COL14A1: variants seen among roughly 807,000 people sequenced by gnomAD.
COL14A1 encodes collagen alpha-1(XIV) chain.
In COL14A1, 136 loss-of-function variants were observed where a neutral mutation model predicts 230.3. The ratio of observed to expected loss-of-function variants is 0.59; its 90% CI spans 0.51 to 0.68. The LOEUF (loss-of-function observed/expected upper bound fraction) is 0.68, where lower values mean the gene tolerates loss of function less well. Ranked by LOEUF, COL14A1 falls within the 30% of genes least tolerant of loss-of-function variation. The probability of loss-of-function intolerance (pLI) is 0.00; values close to 1 mark genes in which losing one functional copy is unlikely to be tolerated. For synonymous variants in COL14A1, 792 were observed against 784.1 expected (o/e 1.01, Z -0.17); for missense variants, 1,976 against 2,215.8 (o/e 0.89, Z 2.17).
Position 120,158,193 on chromosome 8 carries a change from A to G in COL14A1, c.152A>G (p.Lys51Arg), listed in dbSNP as rs1279683780. The G allele has an allele frequency of 4.3e-6, 7 of 1,610,760 alleles. No homozygotes were observed. In the East Asian group the frequency reaches 1.1e-4, roughly 26 times the overall value. Residue 51 changes from lysine (K) to arginine (R), a missense_variant, in exon 3 of 48, where the codon AAG (lysine) becomes AGG (arginine). Coordinates refer to ENST00000297848, the MANE Select transcript of COL14A1 (RefSeq NM_021110.4). ...CATGACAGTATACAGATTTCATGGA[A>G]GGCTCCAAGAGGGAAATTTGGTGGT... ...ISHDSIQISW[K>R]APRGKFGGYK...
At chr8:120,197,047 G>A in intron 6 of COL14A1, 101 bp downstream of exon 6, 1 of 1,114,802 alleles carries the variant, frequency 9.0e-7, no homozygotes, top group Non-Finnish European at 1.3e-6. Flanking sequence ...TGACTTTCAG[G>A]ATTGCAGGAT....
At chr8:120,354,001 A>T (rs374445703) in intron 45 of COL14A1, among the ~76,000 whole-genome samples, 1 of 131,202 alleles carries the variant, frequency 7.6e-6, no homozygotes, top group African/African-American at 3.0e-5. Flanking sequence ...CAAATGTCCA[A>T]CAATGATAGA....
chr8:120,292,884 A>G (rs370241338), intron 34 of COL14A1, among the ~76,000 whole-genome samples: 1 of 152,084 alleles, frequency 6.6e-6, no homozygotes, highest in Admixed American at 6.5e-5. Context: ...AGGATACAGT[A>G]ACTACTCGAT....
At chr8:120,170,095 G>T (rs73321645) in intron 5 of COL14A1, among the ~76,000 whole-genome samples, 2,069 of 152,054 alleles carry the variant, frequency 0.014, 46 homozygotes, top group African/African-American at 0.046. Context: ...TGTACAAGTC[G>T]TAGAATTTTT....
At chr8:120,344,532 AATAAC>A (rs1822428354) in intron 44 of COL14A1, among the ~76,000 whole-genome samples, 1 of 152,250 alleles carries the variant, frequency 6.6e-6, no homozygotes. Flanking sequence ...CGTGCCTACT[AATAAC>A]ATTGAGTCAT....
At chr8:120,316,263 T>G (rs1410307723) in intron 40 of COL14A1, among the ~76,000 whole-genome samples, 4 of 152,170 alleles carry the variant, frequency 2.6e-5, no homozygotes, top group Non-Finnish European at 5.9e-5. Flanking sequence ...TGAATACAGT[T>G]TATTGTGTGC....
At chr8:120,369,975 A>G (rs2130403186) in intron 47 of COL14A1, among the ~76,000 whole-genome samples, 1 of 152,324 alleles carries the variant, frequency 6.6e-6, no homozygotes, top group African/African-American at 2.4e-5. Context: ...AGGTGCATTT[A>G]AGCACCACAT....
At chr8:120,252,644 C>T (rs1462552555) in intron 22 of COL14A1, among the ~76,000 whole-genome samples, 3 of 152,170 alleles carry the variant, frequency 2.0e-5, no homozygotes, top group Non-Finnish European at 4.4e-5. Context: ...TAATAACCAT[C>T]GTTCAGGCAA....
chr8:120,155,846 C>G (rs1815458792), intron 2 of COL14A1, among the ~76,000 whole-genome samples: 1 of 152,094 alleles, frequency 6.6e-6, no homozygotes, highest in African/African-American at 2.4e-5. Context: ...TAACAGTTTT[C>G]TGTTCATCCA....
At chr8:120,223,969 G>A (rs943697793) in intron 14 of COL14A1, among the ~76,000 whole-genome samples, 1 of 146,104 alleles carries the variant, frequency 6.8e-6, no homozygotes, top group Non-Finnish European at 1.5e-5. Context: ...TGACAAAGCT[G>A]CATCTGTTCT....
chr8:120,203,911 A>G (rs764580599), intron 9 of COL14A1, 41 bp downstream of exon 9: 2 of 1,589,186 alleles, frequency 1.3e-6, no homozygotes. Flanking sequence ...TGTCAGTATT[A>G]TGGTGCACAA....
intron 24 of COL14A1, among the ~76,000 whole-genome samples, chr8:120,263,267 A>C (rs956371690): frequency 2.0e-5 from 3 of 152,220 alleles, no homozygotes; most frequent in Admixed American, 6.5e-5. Context: ...ATAGTAAAGC[A>C]GTTGAGACAA....
At chr8:120,265,086 C>T (rs375609423) in intron 24 of COL14A1, among the ~76,000 whole-genome samples, 173 of 152,208 alleles carry the variant, frequency 1.1e-3, no homozygotes, top group African/African-American at 4.0e-3. Flanking sequence ...TATATGACAG[C>T]CCCTCACATC....
At chr8:120,260,807 T>A (rs1252440943) in intron 23 of COL14A1, among the ~76,000 whole-genome samples, 1 of 152,178 alleles carries the variant, frequency 6.6e-6, no homozygotes, top group Non-Finnish European at 1.5e-5. Context: ...CATCATCTAA[T>A]CTCTAGCCAT....
At chr8:120,167,084 T>C (rs982565163) in intron 4 of COL14A1, among the ~76,000 whole-genome samples, 3 of 152,098 alleles carry the variant, frequency 2.0e-5, no homozygotes, top group Non-Finnish European at 2.9e-5. Context: ...TTTTATATCC[T>C]GGAATTTAAT....
At chr8:120,330,659 G>A (rs577998024) in intron 40 of COL14A1, among the ~76,000 whole-genome samples, 1 of 152,124 alleles carries the variant, frequency 6.6e-6, no homozygotes, top group South Asian at 2.1e-4. Flanking sequence ...GATTTGGGTG[G>A]GGACACAGCC....
chr8:120,315,702 A>G, intron 39 of COL14A1, 116 bp downstream of exon 39: 1 of 900,042 alleles, frequency 1.1e-6, no homozygotes, highest in African/African-American at 1.7e-5. Context: ...TCCATATTAA[A>G]GACTGCCTGT....
Position 120,369,465 on chromosome 8 carries a change from GT to G in COL14A1, c.5293del (p.Ser1765LeufsTer5). 6.2e-7 allele frequency: 1 copy of G among 1,603,120 alleles called. No individual in the cohort carries two copies. The highest frequency in any genetic ancestry group is 8.5e-7 in the Non-Finnish European group (1 of 1,174,914). On this transcript the variant is annotated frameshift_variant, in exon 47 of 48. Coordinates refer to ENST00000297848, the MANE Select transcript of COL14A1 (RefSeq NM_021110.4). LOFTEE classifies it high-confidence loss of function. ...GQPGYCDPSS[C>X]SAYGVRAPHP... Reference sequence around the variant, plus strand: ...CCTGGATATTGTGACCCCTCATCATGTTCTGCCTATGGTGTGAGAGGTAAGT... The same window carrying G: ...CCTGGATATTGTGACCCCTCATCATGTCTGCCTATGGTGTGAGAGGTAAGT...
At chr8:120,298,380 G>A (rs1484261625) in intron 35 of COL14A1, among the ~76,000 whole-genome samples, 1 of 151,258 alleles carries the variant, frequency 6.6e-6, no homozygotes, top group East Asian at 2.0e-4. Flanking sequence ...TTTTAGAACT[G>A]TAGTCATAAT....
Sources: gnomAD v4.1 joint callset for allele counts (sites outside exome capture counted in the v4.1 genomes callset) on GRCh38, gnomAD v4.1.1 for gene constraint, MANE v1.5 for transcripts, NCBI Gene and HGNC (gene_info 2026-07-23, HGNC 2026-07-21) for gene names.